GRHL2: variants seen among roughly 807,000 people sequenced by gnomAD.
GRHL2 encodes the protein grainyhead-like protein 2 homolog.
Under a neutral mutation model 83.8 loss-of-function variants are expected in GRHL2, and 21 were observed. The ratio of observed to expected loss-of-function variants is 0.25; its 90% confidence interval spans 0.18 to 0.36. The LOEUF (loss-of-function observed/expected upper bound fraction) is 0.36. Among genes scored for constraint, GRHL2 ranks in the 10% least tolerant of loss-of-function variants. The pLI is 1.00. For synonymous variants in GRHL2, 280 were observed against 278.9 expected (o/e 1.00, Z -0.04); for missense variants, 623 against 781.8 (o/e 0.80, Z 2.42).
At chr8:101,523,404 C>A (rs1213069496) in intron 1 of GRHL2, among the ~76,000 whole-genome samples, 1 of 151,940 alleles carries the variant, frequency 6.6e-6, no homozygotes, top group Admixed American at 6.6e-5. Flanking sequence ...AGAAAACACC[C>A]AAAATTATTA....
At chr8:101,543,643 AT>A (rs1260364181) in intron 2 of GRHL2, 11 of 597,082 alleles carry the variant, frequency 1.8e-5, no homozygotes, top group Admixed American at 2.8e-5. Context: ...GGAAGTACTC[AT>A]TTTGGGATAA....
chr8:101,556,184 C>T (rs779675217), intron 3 of GRHL2, among the ~76,000 whole-genome samples: 1 of 152,136 alleles, frequency 6.6e-6, no homozygotes, highest in South Asian at 2.1e-4. Context: ...CTCGAACTCC[C>T]GACCTCAGGT....
intron 7 of GRHL2, among the ~76,000 whole-genome samples, chr8:101,586,202 C>T (rs945646313): frequency 6.6e-6 from 1 of 151,884 alleles, no homozygotes; most frequent in Non-Finnish European, 1.5e-5. Context: ...GCCTCAGCCT[C>T]CCGAGTAGCT....
At chr8:101,541,011 G>T (rs146692294) in intron 1 of GRHL2, among the ~76,000 whole-genome samples, 12 of 152,180 alleles carry the variant, frequency 7.9e-5, no homozygotes, top group African/African-American at 2.9e-4. Context: ...CCACTTATAA[G>T]TGAGAACATG....
intron 14 of GRHL2, among the ~76,000 whole-genome samples, chr8:101,656,869 A>AACACACACACACACAC (rs1329881993): frequency 9.0e-5 from 5 of 55,358 alleles, no homozygotes; most frequent in African/African-American, 9.2e-5. Flanking sequence ...TTATGTGTCT[A>AACACACACACACACAC]ACAGACACAC....
At chr8:101,503,914 T>G (rs1259695833) in intron 1 of GRHL2, among the ~76,000 whole-genome samples, 3 of 152,202 alleles carry the variant, frequency 2.0e-5, no homozygotes, top group Non-Finnish European at 4.4e-5. Flanking sequence ...TACTTTTTTG[T>G]CTGTTAGTGT....
intron 5 of GRHL2, among the ~76,000 whole-genome samples, chr8:101,571,156 G>C (rs1225971530): frequency 6.6e-6 from 1 of 152,180 alleles, no homozygotes; most frequent in Non-Finnish European, 1.5e-5. Context: ...GATATATAAA[G>C]AGCTAAATGG....
At position 101,558,612 on chromosome 8, in the gene GRHL2, G is replaced by A; in HGVS notation, c.478G>A (p.Ala160Thr). 1 of 1,614,130 alleles carries A rather than the reference G, an allele frequency of 6.2e-7. No individual in the cohort carries two copies. Among genetic ancestry groups the A allele is most frequent in the South Asian group, 1.1e-5 (1 of 91,074 alleles). The change falls in exon 4 of 16, where the codon GCT (alanine) becomes ACT (threonine). Residue 160 changes from alanine (A) to threonine (T), a missense_variant. Coordinates refer to ENST00000646743, the MANE Select transcript of GRHL2 (RefSeq NM_024915.4). ...GGTGTCGGGAATCACGGTGGTGAAAGCTGAAGATTTCACACCAGTTTTCAT... is the reference window on the plus strand; with the variant it reads ...GGTGTCGGGAATCACGGTGGTGAAAACTGAAGATTTCACACCAGTTTTCAT... ...IPVSGITVVK[A>T]EDFTPVFMAP...
At chr8:101,614,925 G>A (rs1233146000) in intron 8 of GRHL2, among the ~76,000 whole-genome samples, 4 of 152,186 alleles carry the variant, frequency 2.6e-5, no homozygotes, top group Non-Finnish European at 5.9e-5. Flanking sequence ...CAGGCAGCTA[G>A]GCAAGAGGAA....
chr8:101,517,619 A>G (rs1810598315), intron 1 of GRHL2, among the ~76,000 whole-genome samples: 1 of 152,238 alleles, frequency 6.6e-6, no homozygotes, highest in Non-Finnish European at 1.5e-5. Context: ...GTAGTTAAAA[A>G]AATTCTCACT....
intron 1 of GRHL2, among the ~76,000 whole-genome samples, chr8:101,495,303 G>A (rs989435532): frequency 6.6e-6 from 1 of 152,216 alleles, no homozygotes; most frequent in African/African-American, 2.4e-5. Flanking sequence ...GGCAATCTTT[G>A]GGATTGCACA....
intron 1 of GRHL2, among the ~76,000 whole-genome samples, chr8:101,502,176 C>T (rs910761952): frequency 6.6e-6 from 1 of 152,150 alleles, no homozygotes; most frequent in Non-Finnish European, 1.5e-5. Flanking sequence ...AACATAAGAT[C>T]AGAAGATTCT....
Position 101,666,909 on chromosome 8 carries a change from T to A in GRHL2, c.*206T>A. The A allele has an allele frequency of 1.6e-6, 1 of 629,816 alleles. No individual in the cohort carries two copies. The highest frequency in any genetic ancestry group is 2.8e-5 in the East Asian group (1 of 36,284). The allele number at this position is 629,816 out of a possible 1,614,324, so 39.0% of individuals were successfully genotyped here. A position where few individuals can be genotyped will look rare whatever the true frequency, so the allele number is the denominator to read the frequency against. On this transcript the variant is annotated 3_prime_UTR_variant, in exon 16 of 16. Transcript: ENST00000646743. ...TGGCACCTACCACGGAGCTGAAGCC[T>A]GAGCCCCTCAGGAAGGTGCCTTAGG...
intron 4 of GRHL2, among the ~76,000 whole-genome samples, chr8:101,567,054 A>C (rs1165860522): frequency 1.3e-5 from 2 of 152,124 alleles, no homozygotes; most frequent in Non-Finnish European, 1.5e-5. Context: ...AAAGACAAGA[A>C]ATGGTTTAGC....
At chr8:101,547,872 T>G (rs1811297539) in intron 2 of GRHL2, among the ~76,000 whole-genome samples, 1 of 152,234 alleles carries the variant, frequency 6.6e-6, no homozygotes. Context: ...CAGTTTAAAC[T>G]ACTTACCAGT....
chr8:101,525,589 C>G (rs964515008), intron 1 of GRHL2, among the ~76,000 whole-genome samples: 2 of 151,572 alleles, frequency 1.3e-5, no homozygotes, highest in Non-Finnish European at 1.5e-5. Flanking sequence ...TTCCTGGATT[C>G]AAGCCATCTT....
chr8:101,549,971 G>A (rs1811344682), intron 2 of GRHL2, among the ~76,000 whole-genome samples: 1 of 151,916 alleles, frequency 6.6e-6, no homozygotes, highest in Non-Finnish European at 1.5e-5. Context: ...CTCTCTAGTG[G>A]GGTGGGCGAG....
rs957767845 is a variant in GRHL2 at position 101,574,556 on chromosome 8, C to T, written c.891+732C>T. Among the ~76,000 whole-genome samples, 68 of 152,236 alleles carry T rather than the reference C, an allele frequency of 4.5e-4. 3 individuals carry two copies. Among genetic ancestry groups the T allele is most frequent in the Admixed American group, 4.4e-3 (68 of 15,292 alleles). Reference sequence around the variant, plus strand: ...TGTTGGGTCCATGATGCCCAGCCCACCTTATTTTAGTCACAGCTCCCTCCT... The same window carrying T: ...TGTTGGGTCCATGATGCCCAGCCCATCTTATTTTAGTCACAGCTCCCTCCT... On this transcript the variant is annotated intron_variant, in intron 6 of 15. Transcript: ENST00000646743.
In GRHL2 at chr8:101,649,425, G is replaced by A. The variant is rs1813576453; in HGVS notation, c.1624G>A (p.Val542Met). ...CCCATCTCTTCCAGTGCTCTTGTAC[G>A]TGAGGAAGGAGACTGACGATGTGTT... ...EEGTKRVLLY[V>M]RKETDDVFDA... The change falls in exon 14 of 16, where the codon GTG (valine) becomes ATG (methionine). Residue 542 changes from valine (V) to methionine (M), a missense_variant. Val to Met is a conservative substitution (Grantham distance 21). Around this residue, in one of 8 missense-constraint regions of GRHL2, gnomAD observed 210 missense variants for 254.8 expected, o/e 0.82. Transcript: ENST00000646743. 2.5e-6 allele frequency: 4 copies of A among 1,613,854 alleles called. No homozygotes were observed. The highest frequency in any genetic ancestry group is 1.1e-5 in the South Asian group (1 of 91,056).
Sources: allele counts gnomAD v4.1 joint callset (sites outside exome capture counted in the v4.1 genomes callset), GRCh38; gene constraint gnomAD v4.1.1; regional missense constraint gnomAD v4.1.1; transcripts MANE v1.5; gene names NCBI Gene and HGNC (gene_info 2026-07-23, HGNC 2026-07-21).